The following CELF1 variants were observed in gnomAD, a reference collection of about 807,000 sequenced individuals.
CELF1 encodes CUGBP Elav-like family member 1.
Under a neutral mutation model 61.8 loss-of-function variants are expected in CELF1, and 10 were observed. The observed-to-expected ratio is 0.16, with a 90% CI of 0.10 to 0.27. The LOEUF is 0.27. Among genes scored for constraint, CELF1 ranks in the 10% least tolerant of loss-of-function variants. The pLI, the probability that CELF1 is intolerant of heterozygous loss-of-function variation, is 1.00. For missense variants in CELF1, 380 were observed against 639.1 expected, an observed-to-expected ratio of 0.59 and a Z score of 4.37; for synonymous variants, 236 against 225.1, an observed-to-expected ratio of 1.05 and a Z score of -0.43.
intron 13 of CELF1, among the ~76,000 whole-genome samples, chr11:47,474,534 T>C (rs2079134395): frequency 6.6e-6 from 1 of 152,242 alleles, no homozygotes; most frequent in Admixed American, 6.5e-5. Context: ...CATTTATTTA[T>C]TGTCTGTCTC....
intron 1 of CELF1, among the ~76,000 whole-genome samples, chr11:47,547,887 A>C (rs2153749650): frequency 6.6e-6 from 1 of 152,250 alleles, no homozygotes; most frequent in East Asian, 1.9e-4. Context: ...GAAAATTGAG[A>C]GTTATTGCTT....
intron 1 of CELF1, among the ~76,000 whole-genome samples, chr11:47,551,012 G>A (rs956604030): frequency 2.0e-5 from 3 of 147,822 alleles, no homozygotes; most frequent in Non-Finnish European, 3.0e-5. Flanking sequence ...TCAAAGGGAA[G>A]ATTGCATTAT....
intron 1 of CELF1, among the ~76,000 whole-genome samples, chr11:47,532,131 A>C (rs1232335593): frequency 6.6e-6 from 1 of 152,016 alleles, no homozygotes; most frequent in East Asian, 1.9e-4. Context: ...CCCAGGTTCA[A>C]GCGATTCTCC....
chr11:47,482,215 T>TAAAC (rs142618750), intron 9 of CELF1, among the ~76,000 whole-genome samples: 2 of 151,066 alleles, frequency 1.3e-5, no homozygotes, highest in Non-Finnish European at 3.0e-5. Flanking sequence ...AAAAAATAAA[T>TAAAC]AAATAAATAA....
intron 1 of CELF1, among the ~76,000 whole-genome samples, chr11:47,539,422 C>G (rs535948404): frequency 2.0e-5 from 3 of 152,076 alleles, no homozygotes. Context: ...GAGGCCGATG[C>G]GGACAGAACA....
chr11:47,532,061 C>T (rs1209892282), intron 1 of CELF1, among the ~76,000 whole-genome samples: 2 of 151,110 alleles, frequency 1.3e-5, no homozygotes, highest in Non-Finnish European at 2.9e-5. Context: ...GACAGAGTCT[C>T]GCTCTGTCGC....
At chr11:47,496,431 C>T (rs2093104314) in intron 3 of CELF1, among the ~76,000 whole-genome samples, 1 of 152,168 alleles carries the variant, frequency 6.6e-6, no homozygotes, top group Non-Finnish European at 1.5e-5. Flanking sequence ...AGATACTACA[C>T]ACTATAGGGC....
chr11:47,532,000 T>G (rs1362020953), intron 1 of CELF1, among the ~76,000 whole-genome samples: 1 of 152,118 alleles, frequency 6.6e-6, no homozygotes, highest in Non-Finnish European at 1.5e-5. Flanking sequence ...GAAAAACATT[T>G]GGGAATTTTT....
upstream of CELF1, among the ~76,000 whole-genome samples, chr11:47,553,874 G>A (rs896873764): frequency 1.3e-5 from 2 of 151,488 alleles, no homozygotes; most frequent in African/African-American, 4.8e-5. Flanking sequence ...AGTTACTCTG[G>A]AATCCCTGGG....
chr11:47,487,149 G>A lies in CELF1; in HGVS notation c.342+10C>T, dbSNP rs1386197895. On this transcript the variant is annotated intron_variant, in intron 5 of 14. Coordinates refer to ENST00000687097, the MANE Select transcript of CELF1 (RefSeq NM_001376376.1). ...ACCACATTTCCATTTACTAGTGGGA[G>A]CTTTCTTACCCCTGGGAGGACTTTC... 8 of 1,598,690 alleles carry A rather than the reference G, an allele frequency of 5.0e-6. No homozygotes were observed. Among genetic ancestry groups the A allele is most frequent in the Non-Finnish European group, 6.8e-6 (8 of 1,169,534 alleles).
At chr11:47,543,914 C>T (rs1170336095) in intron 1 of CELF1, among the ~76,000 whole-genome samples, 4 of 152,202 alleles carry the variant, frequency 2.6e-5, no homozygotes, top group Admixed American at 6.5e-5. Context: ...CTTGAAACTA[C>T]GAAGAGACCC....
At chr11:47,526,642 T>G (rs909054365) in intron 1 of CELF1, among the ~76,000 whole-genome samples, 21 of 152,230 alleles carry the variant, frequency 1.4e-4, no homozygotes, top group Admixed American at 2.6e-4. Context: ...TGAATAAATT[T>G]TAAACCACTA....
chr11:47,477,349 A>G lies in CELF1; in HGVS notation c.921T>C (p.Gly307=), dbSNP rs1218546592. The change falls in exon 11 of 15, where the codon GGT becomes GGC. Residue 307 remains glycine (G), a synonymous_variant. Transcript: ENST00000687097. Reference sequence around the variant, plus strand: ...TGCTGGATGTAGTGAGAGCATTGGTACCACTTGGTGTGTTCTGAGCTGCAC... The same window carrying G: ...TGCTGGATGTAGTGAGAGCATTGGTGCCACTTGGTGTGTTCTGAGCTGCAC... The part of the protein sequence containing the change: ...AASAAQNTPS[G]TNALTTSSSP... 6.2e-7 allele frequency: 1 copy of G among 1,613,844 alleles called. No individual in the cohort carries two copies. Among genetic ancestry groups the G allele is most frequent in the Non-Finnish European group, 8.5e-7 (1 of 1,179,762 alleles).
At chr11:47,564,133 C>T (rs1342125031) in intron 2 of CELF1, among the ~76,000 whole-genome samples, 1 of 133,056 alleles carries the variant, frequency 7.5e-6, no homozygotes, top group Non-Finnish European at 1.5e-5. Flanking sequence ...CAAGACTAGC[C>T]TGGCCAACAT....
chr11:47,472,461 TTTA>T (rs1305765029), intron 14 of CELF1, 104 bp from the exon 15 acceptor site: 32 of 1,295,762 alleles, frequency 2.5e-5, no homozygotes, highest in Non-Finnish European at 3.4e-5. Flanking sequence ...AAATCCCAAT[TTTA>T]TTCAGCAGGG....
At position 47,469,171 on chromosome 11, in the gene CELF1, GAGA is replaced by G. The variant is rs1024028481; in HGVS notation, c.*3056_*3058del. On this transcript the variant is annotated 3_prime_UTR_variant, in exon 15 of 15. Coordinates refer to ENST00000687097, the MANE Select transcript of CELF1 (RefSeq NM_001376376.1). ...TTTCCATGAAGCACCCAACTCCTAA[GAGA>G]AGGTCTCCAGGGGAGCAGAGCCTCA... 5.3e-5 allele frequency: 8 copies of G among 152,354 alleles called. No homozygotes were observed. The highest frequency in any genetic ancestry group is 1.9e-4 in the African/African-American group (8 of 41,568). The allele number at this position is 152,354 out of a possible 1,614,324, so 9.4% of individuals were successfully genotyped here. A position where few individuals can be genotyped will look rare whatever the true frequency, so the allele number is the denominator to read the frequency against.
At chr11:47,502,766 A>C (rs2094076079) in intron 1 of CELF1, among the ~76,000 whole-genome samples, 1 of 152,158 alleles carries the variant, frequency 6.6e-6, no homozygotes, top group Admixed American at 6.5e-5. Flanking sequence ...CGGGAGGCGG[A>C]GGTTGCAGTG....
chr11:47,535,082 A>C (rs544707379), intron 1 of CELF1, among the ~76,000 whole-genome samples: 1 of 152,304 alleles, frequency 6.6e-6, no homozygotes, highest in South Asian at 2.1e-4. Flanking sequence ...CTTATACCAG[A>C]CAAATGAACA....
intron 1 of CELF1, among the ~76,000 whole-genome samples, chr11:47,540,360 G>A (rs1259798731): frequency 2.0e-5 from 3 of 152,112 alleles, no homozygotes; most frequent in Admixed American, 2.0e-4. Context: ...AGGAAATACA[G>A]ACCTAAGGGA....
Sources: allele counts gnomAD v4.1 joint callset (sites outside exome capture counted in the v4.1 genomes callset), GRCh38; gene constraint gnomAD v4.1.1; transcripts MANE v1.5; gene names NCBI Gene and HGNC (gene_info 2026-07-23, HGNC 2026-07-21).